Variants in HSPA9 observed in about 807,000 individuals in gnomAD.
HSPA9 encodes stress-70 protein, mitochondrial.
In HSPA9, 28 loss-of-function variants were observed where a neutral mutation model predicts 81.5. The ratio of observed to expected loss-of-function variants is 0.34; its 90% CI spans 0.25 to 0.47. The LOEUF is 0.47. Among genes scored for constraint, HSPA9 ranks in the 20% least tolerant of loss-of-function variants. HSPA9 has a pLI of 1.00. For synonymous variants in HSPA9, 293 were observed against 290.4 expected, an observed-to-expected ratio of 1.01 and a Z score of -0.09; for missense variants, 678 against 838.0, an observed-to-expected ratio of 0.81 and a Z score of 2.36.
intron 16 of HSPA9, 148 bp downstream of exon 16, chr5:138,556,304 G>T: frequency 1.7e-6 from 2 of 1,148,862 alleles, no homozygotes; most frequent in Non-Finnish European, 2.6e-6. Flanking sequence ...CAATGCCAAA[G>T]TAGAGTCAAG....
chr5:138,559,988 G>A lies in HSPA9; in HGVS notation c.1286C>T (p.Ala429Val), dbSNP rs1177605727. 1.2e-6 allele frequency: 2 copies of A among 1,614,044 alleles called. No homozygotes were observed. Among genetic ancestry groups the A allele is most frequent in the Non-Finnish European group, 1.7e-6 (2 of 1,179,974 alleles). The change falls in exon 11 of 17, where the codon GCC becomes GTC. Residue 429 changes from alanine (A) to valine (V), a missense_variant. Coordinates refer to ENST00000297185, the MANE Select transcript of HSPA9 (RefSeq NM_004134.7). ...GAGCAGCACATCCGTGACATCGCCGGCCAACACACCTCCCTGAATGGCAGC... is the reference window on the plus strand; with the variant it reads ...GAGCAGCACATCCGTGACATCGCCGACCAACACACCTCCCTGAATGGCAGC... ...IGAAIQGGVLAGDVTDVLLLD... is the reference protein window; with the variant it reads ...IGAAIQGGVLVGDVTDVLLLD...
At position 138,557,495 on chromosome 5, in the gene HSPA9, A is replaced by T. The variant is rs1347998587; in HGVS notation, c.1635T>A (p.Ile545=). The change falls in exon 14 of 17, where the codon ATT becomes ATA. Residue 545 remains isoleucine (I), a splice_region_variant and synonymous_variant. Transcript: ENST00000297185. ...TTAATCCACCAGAAGACTGGATTAC[A>T]ACTGTAGTAAACAGAAGGCATTTCA... ...KDKGTGREQQ[I]VIQSSGGLSK... The T allele has an allele frequency of 6.4e-7, 1 of 1,557,004 alleles. No homozygotes were observed. Among genetic ancestry groups the T allele is most frequent in the Admixed American group, 1.7e-5 (1 of 59,538 alleles).
rs778949591 is a variant in HSPA9, at chr5:138,554,021, CTG to C, written c.*2014_*2015del. On this transcript the variant is annotated 3_prime_UTR_variant, in exon 17 of 17. Coordinates refer to ENST00000297185, the MANE Select transcript of HSPA9 (RefSeq NM_004134.7). ...CCCCAACAGCTTTCCCAGCAGTGGACTGTGGGTGGGACCTCGGTTCCATAATT... is the reference window on the plus strand; with the variant it reads ...CCCCAACAGCTTTCCCAGCAGTGGACTGGGTGGGACCTCGGTTCCATAATT... 1.3e-5 allele frequency among the ~76,000 whole-genome samples: 2 copies of C among 152,222 alleles called. No homozygotes were observed. Among genetic ancestry groups the C allele is most frequent in the Admixed American group, 6.5e-5 (1 of 15,280 alleles).
At chr5:138,575,204 C>T (rs1751064369) in intron 1 of HSPA9, 34 bp downstream of exon 1, 12 of 1,502,192 alleles carry the variant, frequency 8.0e-6, no homozygotes, top group Non-Finnish European at 1.1e-5. Context: ...GGCCCGAGGC[C>T]GTGACCCCAT....
Position 138,567,741 on chromosome 5 carries a change from C to T in HSPA9, c.536-19G>A. The T allele has an allele frequency of 6.3e-7, 1 of 1,580,602 alleles. No homozygotes were observed. The highest frequency in any genetic ancestry group is 8.7e-7 in the Non-Finnish European group (1 of 1,150,488). On this transcript the variant is annotated intron_variant, in intron 5 of 16. Transcript: ENST00000297185. ...TAATTTTCTGGAAAAGAATGAAATT[C>T]AATCATGGAATTCTGTCAGAACAGA...
chr5:138,566,343 T>C (rs555476921), intron 9 of HSPA9, among the ~76,000 whole-genome samples: 2 of 152,290 alleles, frequency 1.3e-5, no homozygotes, highest in South Asian at 4.1e-4. Flanking sequence ...TAAATGTCTT[T>C]AACTGAAAGG....
chr5:138,557,632 T>C (rs1263072679), intron 13 of HSPA9, 136 bp from the exon 14 acceptor site: 1 of 750,012 alleles, frequency 1.3e-6, no homozygotes, highest in East Asian at 2.7e-5. Flanking sequence ...TACCCTATAG[T>C]CCTATAAAGC....
intron 1 of HSPA9, 129 bp from the exon 2 acceptor site, chr5:138,574,255 A>G (rs1751029510): frequency 4.2e-6 from 3 of 708,322 alleles, no homozygotes; most frequent in African/African-American, 1.8e-5. Context: ...AGTTTCCCAA[A>G]TAAGTAAGAC....
At chr5:138,570,523 A>G (rs1458665319) in intron 4 of HSPA9, among the ~76,000 whole-genome samples, 2 of 152,180 alleles carry the variant, frequency 1.3e-5, no homozygotes, top group Non-Finnish European at 2.9e-5. Context: ...GAGTCTCAGC[A>G]GCCCAGGCTG....
intron 11 of HSPA9, 87 bp from the exon 12 acceptor site, chr5:138,558,744 C>G: frequency 1.2e-6 from 1 of 849,446 alleles, no homozygotes; most frequent in Non-Finnish European, 2.0e-6. Context: ...GGTTTACATT[C>G]CAAGACTGGA....
In HSPA9 at chr5:138,557,900, A is replaced by G. The variant is rs1750563154; in HGVS notation, c.1602T>C (p.Ala534=). The change falls in exon 13 of 17, where the codon GCT becomes GCC. Residue 534 remains alanine, a synonymous_variant. Transcript: ENST00000297185. ...GCTCACGTCCTGTGCCTTTATCTTT[A>G]GCAGAAACATGTACTATCCCATTGG... ...IDANGIVHVS[A]KDKGTGREQQ... 3 of 1,610,866 alleles carry G rather than the reference A, an allele frequency of 1.9e-6. No individual in the cohort carries two copies. Among genetic ancestry groups the G allele is most frequent in the Non-Finnish European group, 1.7e-6 (2 of 1,178,768 alleles).
intron 5 of HSPA9, among the ~76,000 whole-genome samples, chr5:138,568,267 C>T (rs192546666): frequency 2.0e-4 from 30 of 152,114 alleles, no homozygotes; most frequent in Middle Eastern, 6.8e-3. Context: ...GAGGCTGAGG[C>T]GGATGAATCA....
At position 138,556,784 on chromosome 5, in the gene HSPA9, G is replaced by A. The variant is rs1163728907; in HGVS notation, c.1811C>T (p.Pro604Leu). The change falls in exon 15 of 17, where the codon CCT becomes CTT. Residue 604 changes from proline (P) to leucine (L), a missense_variant. Transcript: ENST00000297185. ...TKMEEFKDQLPADECNKLKEE... is the reference protein window; with the variant it reads ...TKMEEFKDQLLADECNKLKEE... The stretch of plus-strand genomic sequence containing the variant: ...TAAAATAGAACTCACCTCATCAGCA[G>A]GTAATTGGTCCTTGAATTCTTCCAT... 4 of 1,612,188 alleles carry A rather than the reference G, an allele frequency of 2.5e-6. No individual in the cohort carries two copies. The highest frequency in any genetic ancestry group is 1.7e-5 in the Admixed American group (1 of 60,000).
rs546184994 is a variant in HSPA9, at chr5:138,556,809, T to C, written c.1786A>G (p.Met596Val). ...EGIIHDTETK[M>V]EEFKDQLPAD... ...GGTAATTGGTCCTTGAATTCTTCCA[T>C]CTTGGTTTCTGTGTCGTGAATGATT... Residue 596 changes from methionine (M) to valine (V), a missense_variant, in exon 15 of 17, where the codon ATG (methionine) becomes GTG (valine). Met to Val is a conservative substitution (Grantham distance 21). Around this residue, in one of 4 missense-constraint regions of HSPA9, gnomAD observed 100 missense variants for 99.5 expected, o/e 1.00. Coordinates refer to ENST00000297185, the MANE Select transcript of HSPA9 (RefSeq NM_004134.7). 5.0e-6 allele frequency: 8 copies of C among 1,613,992 alleles called. No homozygotes were observed. The highest frequency in any genetic ancestry group is 5.9e-6 in the Non-Finnish European group (7 of 1,179,848).
intron 3 of HSPA9, among the ~76,000 whole-genome samples, 167 bp from the exon 4 acceptor site, chr5:138,571,308 G>C (rs1175950497): frequency 1.3e-5 from 2 of 152,050 alleles, no homozygotes; most frequent in Non-Finnish European, 2.9e-5. Context: ...AGCCTCCCTA[G>C]TAGCTGGTAC....
intron 5 of HSPA9, among the ~76,000 whole-genome samples, chr5:138,568,284 T>C (rs140820839): frequency 1.3e-5 from 2 of 152,034 alleles, no homozygotes; most frequent in African/African-American, 4.8e-5. Context: ...ATCACCTGAT[T>C]TGTCGGGAGT....
Position 138,573,830 on chromosome 5 carries a change from G to A in HSPA9, c.161C>T (p.Ala54Val), listed in dbSNP as rs781689429. Reference protein sequence around the residue: ...RDYASEAIKGAVVGIDLGTTN... With the variant: ...RDYASEAIKGVVVGIDLGTTN... ...AGTACCCAAATCAATACCAACAACTGCTCCCTTGATTGCTTCTGATCTGTA... is the reference window on the plus strand; with the variant it reads ...AGTACCCAAATCAATACCAACAACTACTCCCTTGATTGCTTCTGATCTGTA... The change falls in exon 3 of 17, where the codon GCA (alanine) becomes GTA (valine). Residue 54 changes from alanine to valine, a missense_variant. Coordinates refer to ENST00000297185, the MANE Select transcript of HSPA9 (RefSeq NM_004134.7). 2.5e-6 allele frequency: 4 copies of A among 1,612,784 alleles called. No homozygotes were observed. Among genetic ancestry groups the A allele is most frequent in the Non-Finnish European group, 3.4e-6 (4 of 1,178,930 alleles).
rs543259384 is a variant in HSPA9, at chr5:138,573,968, A to G, written c.140+100T>C. 258 of 1,244,606 alleles carry G rather than the reference A, an allele frequency of 2.1e-4. No individual in the cohort carries two copies. In the African/African-American group the frequency reaches 3.6e-3, roughly 17 times the overall value. The allele number at this position is 1,244,606 out of a possible 1,614,324, so 77.1% of individuals were successfully genotyped here. A position where few individuals can be genotyped will look rare whatever the true frequency, so the allele number is the denominator to read the frequency against. On this transcript the variant is annotated intron_variant, in intron 2 of 16. Transcript: ENST00000297185. ...TATACTACATAATCTCTAAATAAAT[A>G]CAGATAAATAATTACAGAGAAGAAT...
chr5:138,574,068 G>C lies in HSPA9; in HGVS notation c.140C>G (p.Ala47Gly). 5 of 1,610,726 alleles carry C rather than the reference G, an allele frequency of 3.1e-6. No homozygotes were observed. Among genetic ancestry groups the C allele is most frequent in the South Asian group, 1.1e-5 (1 of 91,010 alleles). Residue 47 changes from alanine to glycine, a missense_variant and splice_region_variant, in exon 2 of 17, where the codon GCA (alanine) becomes GGA (glycine). Around this residue, in one of 4 missense-constraint regions of HSPA9, gnomAD observed 89 missense variants for 70.4 expected, o/e 1.27. Coordinates refer to ENST00000297185, the MANE Select transcript of HSPA9 (RefSeq NM_004134.7). ...TCAAAGGAAATGATATTATACTTAC[G>C]CATAATCCCGCCTTGAAACAAGTCT... ...AFRLVSRRDY[A>G]SEAIKGAVVG...
Sources: allele counts gnomAD v4.1 joint callset (sites outside exome capture counted in the v4.1 genomes callset), GRCh38; gene constraint gnomAD v4.1.1; regional missense constraint gnomAD v4.1.1; transcripts MANE v1.5; gene names NCBI Gene and HGNC (gene_info 2026-07-23, HGNC 2026-07-21).